The following RBFOX1 variants were observed in gnomAD, a reference collection of about 807,000 sequenced individuals.
The protein encoded by RBFOX1 is RNA binding fox-1 homolog 1.
Under a neutral mutation model 57.7 loss-of-function variants are expected in RBFOX1, and 8 were observed. The ratio of observed to expected loss-of-function variants is 0.14; its 90% CI spans 0.08 to 0.25. RBFOX1 has a LOEUF of 0.25. Among genes scored for constraint, RBFOX1 ranks in the 10% least tolerant of loss-of-function variants. The pLI is 1.00. For missense variants in RBFOX1, 611 were observed against 548.5 expected, an observed-to-expected ratio of 1.11 and a Z score of -1.14; for synonymous variants, 326 against 222.4, an observed-to-expected ratio of 1.47 and a Z score of -4.15.
intron 2 of RBFOX1, among the ~76,000 whole-genome samples, chr16:6,372,548 A>G (rs2090591735): frequency 1.3e-5 from 2 of 150,358 alleles, no homozygotes; most frequent in Non-Finnish European, 3.0e-5. Context: ...GGGTAGGAGG[A>G]TGGTTGGGTG....
chr16:5,454,958 C>CCTTTCTTTTTCTTT (rs2068574544), intron 1 of RBFOX1, among the ~76,000 whole-genome samples: 2 of 30,384 alleles, frequency 6.6e-5, no homozygotes, highest in Non-Finnish European at 1.2e-4. Flanking sequence ...TTCCTTCCTT[C>CCTTTCTTTTTCTTT]CTTTCTTTCT....
At chr16:7,229,798 G>A (rs866391734) in intron 4 of RBFOX1, among the ~76,000 whole-genome samples, 1,589 of 32,154 alleles carry the variant, frequency 0.049, 184 homozygotes, top group East Asian at 0.1. Flanking sequence ...GAGAGAGAGG[G>A]AGGAAGGGAG....
At chr16:6,182,762 C>T (rs1260937813) in intron 1 of RBFOX1, among the ~76,000 whole-genome samples, 1 of 152,190 alleles carries the variant, frequency 6.6e-6, no homozygotes, top group Non-Finnish European at 1.5e-5. Flanking sequence ...CTCTAACTTA[C>T]ATCCTTTATG....
In RBFOX1 at chr16:6,837,249, C is replaced by T. The variant is rs369642035; in HGVS notation, c.-16+182599C>T. On this transcript the variant is annotated intron_variant, in intron 3 of 15. Transcript: ENST00000550418. ...TCCGTGTTTTAACACTTGCATATTGCTCTCTCATCTGAGCGTGCTGCTAGT... is the reference window on the plus strand; with the variant it reads ...TCCGTGTTTTAACACTTGCATATTGTTCTCTCATCTGAGCGTGCTGCTAGT... Among the ~76,000 whole-genome samples, 4 of 152,316 alleles carry T rather than the reference C, an allele frequency of 2.6e-5. No individual in the cohort carries two copies. In the East Asian group the frequency reaches 7.7e-4, roughly 29 times the overall value.
rs55866832 is a variant in RBFOX1 at position 7,002,212 on chromosome 16, C to T, written c.-15-49845C>T. On this transcript the variant is annotated intron_variant, in intron 3 of 15. Coordinates refer to ENST00000550418, the MANE Select transcript of RBFOX1 (RefSeq NM_018723.4). ...CTAAGAAATTAGGAAAGGGAAAAATCTTGATGCTGTCACTTGAGGCCCTGG... is the reference window on the plus strand; with the variant it reads ...CTAAGAAATTAGGAAAGGGAAAAATTTTGATGCTGTCACTTGAGGCCCTGG... Among the ~76,000 whole-genome samples, 5 of 152,144 alleles carry T rather than the reference C, an allele frequency of 3.3e-5. No homozygotes were observed. The East Asian group carries it at 5.8e-4, about 18-fold the overall frequency.
At chr16:6,855,762 G>T (rs1278106715) in intron 3 of RBFOX1, among the ~76,000 whole-genome samples, 6 of 151,394 alleles carry the variant, frequency 4.0e-5, no homozygotes, top group African/African-American at 1.5e-4. Flanking sequence ...GCCCTTGGAA[G>T]TTTTATCCTC....
At chr16:5,731,683 C>A (rs1410060067) in intron 3 of RBFOX1, among the ~76,000 whole-genome samples, 1 of 152,068 alleles carries the variant, frequency 6.6e-6, no homozygotes, top group Admixed American at 6.5e-5. Context: ...TCAGAAATCC[C>A]CCCTGGATGT....
At chr16:7,367,885 T>TACACACACACACACACACACAC (rs34277471) in intron 4 of RBFOX1, among the ~76,000 whole-genome samples, 8 of 148,334 alleles carry the variant, frequency 5.4e-5, no homozygotes, top group African/African-American at 2.0e-4. Flanking sequence ...CATGCGTGCA[T>TACACACACACACACACACACAC]ACACACACAC....
intron 3 of RBFOX1, among the ~76,000 whole-genome samples, chr16:5,814,878 G>C (rs965487142): frequency 1.3e-5 from 2 of 152,080 alleles, no homozygotes; most frequent in African/African-American, 4.8e-5. Context: ...GCAGTGAGCC[G>C]AGATTGCGCC....
exon 3 of RBFOX1, chr16:5,599,043 A>C (rs1249146464): frequency 8.2e-7 from 1 of 1,215,024 alleles, no homozygotes; most frequent in East Asian, 2.5e-5. Context: ...CTCCGTCATC[A>C]ATCACCGGGA....
intron 3 of RBFOX1, among the ~76,000 whole-genome samples, chr16:5,718,594 T>C (rs1158335939): frequency 1.3e-5 from 2 of 152,340 alleles, no homozygotes; most frequent in East Asian, 3.9e-4. Context: ...GATTTGATGC[T>C]ATTTACAAAC....
intron 4 of RBFOX1, among the ~76,000 whole-genome samples, chr16:7,432,947 C>G (rs1002424746): frequency 2.0e-5 from 3 of 152,202 alleles, no homozygotes; most frequent in Admixed American, 2.0e-4. Flanking sequence ...GTGGCATTTT[C>G]GAACTGTGTA....
At chr16:6,193,362 A>ATATATATATATATACACAT (rs2097154804) in intron 1 of RBFOX1, among the ~76,000 whole-genome samples, 1 of 101,352 alleles carries the variant, frequency 9.9e-6, no homozygotes, top group Non-Finnish European at 2.0e-5. Flanking sequence ...TACATTATAT[A>ATATATATATATATACACAT]TATATATATA....
intron 1 of RBFOX1, among the ~76,000 whole-genome samples, chr16:6,123,211 T>C (rs2096564798): frequency 6.6e-6 from 1 of 152,188 alleles, no homozygotes; most frequent in Non-Finnish European, 1.5e-5. Flanking sequence ...CCAGTGTTTA[T>C]TGTAGAATTA....
intron 3 of RBFOX1, among the ~76,000 whole-genome samples, chr16:6,729,716 G>A (rs1002205270): frequency 6.6e-6 from 1 of 152,136 alleles, no homozygotes; most frequent in African/African-American, 2.4e-5. Flanking sequence ...AGTGACATAT[G>A]AAAGCAGAAT....
intron 3 of RBFOX1, among the ~76,000 whole-genome samples, chr16:7,045,991 T>A (rs2047799694): frequency 6.6e-6 from 1 of 152,154 alleles, no homozygotes; most frequent in Admixed American, 6.6e-5. Context: ...CGAAAATCAA[T>A]GCTATCACTA....
intron 4 of RBFOX1, among the ~76,000 whole-genome samples, chr16:7,467,558 A>C (rs1195940457): frequency 6.6e-6 from 1 of 152,236 alleles, no homozygotes; most frequent in Non-Finnish European, 1.5e-5. Context: ...ACGTGGGTTC[A>C]AATCCCAGCT....
intron 4 of RBFOX1, among the ~76,000 whole-genome samples, chr16:7,296,219 C>A (rs891893424): frequency 7.0e-6 from 1 of 143,720 alleles, no homozygotes; most frequent in Non-Finnish European, 1.5e-5. Flanking sequence ...TAAATTTAAT[C>A]AATTTGAAGG....
intron 4 of RBFOX1, among the ~76,000 whole-genome samples, chr16:5,922,641 C>T (rs1478326848): frequency 1.3e-5 from 2 of 152,236 alleles, no homozygotes; most frequent in Non-Finnish European, 2.9e-5. Context: ...AACCATTTAA[C>T]ATCCCCACCA....
Sources: allele counts gnomAD v4.1 joint callset (sites outside exome capture counted in the v4.1 genomes callset), GRCh38; gene constraint gnomAD v4.1.1; transcripts MANE v1.5; gene names NCBI Gene and HGNC (gene_info 2026-07-23, HGNC 2026-07-21).